ADGRL2: variants seen among roughly 807,000 people sequenced by gnomAD.
The protein encoded by ADGRL2 is calcium-independent alpha-latrotoxin receptor 2.
A neutral mutation model predicts 157.4 loss-of-function variants in ADGRL2; 44 were observed. That is an observed-to-expected ratio of 0.28 (90% confidence interval 0.22 to 0.36). ADGRL2 has a LOEUF of 0.36. Among genes scored for constraint, ADGRL2 ranks in the 10% least tolerant of loss-of-function variants. The pLI, the probability that ADGRL2 is intolerant of heterozygous loss-of-function variation, is 1.00. For missense variants in ADGRL2, 1,510 were observed against 1,768.9 expected, an observed-to-expected ratio of 0.85 and a Z score of 2.63; for synonymous variants, 585 against 624.7, an observed-to-expected ratio of 0.94 and a Z score of 0.95.
At chr1:81,900,740 G>A (rs574775201) in intron 2 of ADGRL2, among the ~76,000 whole-genome samples, 3 of 152,156 alleles carry the variant, frequency 2.0e-5, no homozygotes, top group Non-Finnish European at 4.4e-5. Context: ...AAATAACTGA[G>A]TCTGACTTGT....
At chr1:81,941,605 T>A (rs1342014455) in intron 4 of ADGRL2, among the ~76,000 whole-genome samples, 1 of 151,828 alleles carries the variant, frequency 6.6e-6, no homozygotes, top group Non-Finnish European at 1.5e-5. Flanking sequence ...ATAATTGAGT[T>A]CACATAAGAT....
chr1:81,551,699 A>ATCTAGGTG (rs2080150262), intron 2 of ADGRL2, among the ~76,000 whole-genome samples: 1 of 152,156 alleles, frequency 6.6e-6, no homozygotes, highest in Admixed American at 6.5e-5. Flanking sequence ...GGAAATTAAG[A>ATCTAGGTG]TCTAGGTGTG....
intron 3 of ADGRL2, among the ~76,000 whole-genome samples, chr1:81,691,891 T>TATATATATATATATATATATATATAG: frequency 6.8e-6 from 1 of 148,020 alleles, no homozygotes; most frequent in African/African-American, 2.5e-5. Flanking sequence ...TATATATATA[T>TATATATATATATATATATATATATAG]ATATGTATGT....
intron 1 of ADGRL2, among the ~76,000 whole-genome samples, chr1:81,355,900 T>G (rs1048021079): frequency 4.6e-5 from 7 of 151,796 alleles, no homozygotes; most frequent in Non-Finnish European, 7.4e-5. Context: ...CACTGACAAC[T>G]GCCTAAGACC....
At chr1:81,530,357 T>A (rs187030454) in intron 2 of ADGRL2, among the ~76,000 whole-genome samples, 1 of 151,654 alleles carries the variant, frequency 6.6e-6, no homozygotes, top group Non-Finnish European at 1.5e-5. Flanking sequence ...ATTATTTGTA[T>A]TTTTTTTGAG....
chr1:81,829,796 T>C (rs151056497), intron 1 of ADGRL2, among the ~76,000 whole-genome samples: 38 of 152,214 alleles, frequency 2.5e-4, no homozygotes, highest in Admixed American at 5.2e-4. Flanking sequence ...ATTGGGAAAA[T>C]TGGAAAATGA....
intron 1 of ADGRL2, among the ~76,000 whole-genome samples, chr1:81,413,726 T>G (rs12046867): frequency 7.2e-5 from 11 of 152,188 alleles, no homozygotes; most frequent in Admixed American, 1.3e-4. Flanking sequence ...GTTTATTAGA[T>G]TTCCTTTTAC....
intron 2 of ADGRL2, among the ~76,000 whole-genome samples, chr1:81,478,165 T>C (rs945994061): frequency 1.1e-4 from 17 of 152,056 alleles, no homozygotes; most frequent in African/African-American, 4.1e-4. Context: ...GGGGAGTCGG[T>C]AAATAGGAGC....
intron 2 of ADGRL2, among the ~76,000 whole-genome samples, chr1:81,880,659 C>T (rs955847464): frequency 6.6e-6 from 1 of 151,818 alleles, no homozygotes; most frequent in African/African-American, 2.4e-5. Context: ...ATTTCTTCTC[C>T]CTCCCACCGC....
chr1:81,789,697 G>A (rs1270816798), intron 2 of ADGRL2, among the ~76,000 whole-genome samples: 4 of 71,400 alleles, frequency 5.6e-5, no homozygotes, highest in African/African-American at 2.6e-4. Flanking sequence ...GCGAGTCTCC[G>A]TCTCAAAAAA....
At chr1:81,898,305 C>G (rs952718044) in intron 2 of ADGRL2, among the ~76,000 whole-genome samples, 3 of 152,164 alleles carry the variant, frequency 2.0e-5, no homozygotes, top group Admixed American at 2.0e-4. Flanking sequence ...ATACAAATTA[C>G]AACATTTTCT....
intron 3 of ADGRL2, among the ~76,000 whole-genome samples, chr1:81,645,378 CAG>C (rs1452388908): frequency 8.9e-6 from 1 of 112,502 alleles, no homozygotes; most frequent in African/African-American, 3.6e-5. Flanking sequence ...GCCTGGGTGA[CAG>C]AGTGAGATCC....
intron 1 of ADGRL2, among the ~76,000 whole-genome samples, chr1:81,385,103 C>T (rs1022836694): frequency 3.9e-5 from 6 of 152,102 alleles, no homozygotes; most frequent in Non-Finnish European, 2.9e-5. Context: ...GTATTCCATT[C>T]CTTTGTTCTT....
chr1:81,699,183 G>A (rs909154131), upstream of ADGRL2, among the ~76,000 whole-genome samples: 5 of 152,060 alleles, frequency 3.3e-5, no homozygotes, highest in African/African-American at 1.2e-4. Context: ...CTTTAGAAAA[G>A]GTGAAAATAC....
chr1:81,967,325 G>A (rs898682673), intron 13 of ADGRL2, among the ~76,000 whole-genome samples: 9 of 150,504 alleles, frequency 6.0e-5, no homozygotes, highest in Non-Finnish European at 1.0e-4. Context: ...GCGGTGGCGC[G>A]ATCTCGGCTC....
intron 3 of ADGRL2, among the ~76,000 whole-genome samples, chr1:81,912,882 G>A (rs2094765463): frequency 6.6e-6 from 1 of 152,068 alleles, no homozygotes; most frequent in African/African-American, 2.4e-5. Context: ...AGACCAGCAG[G>A]AATTAGGTAG....
At chr1:81,841,759 T>G (rs1448661236) in intron 2 of ADGRL2, among the ~76,000 whole-genome samples, 2 of 152,202 alleles carry the variant, frequency 1.3e-5, no homozygotes, top group South Asian at 4.1e-4. Context: ...ACTGATGTCT[T>G]CAAGTGCCTG....
chr1:81,733,022 G>C (rs1385429887), intron 1 of ADGRL2, among the ~76,000 whole-genome samples: 2 of 152,126 alleles, frequency 1.3e-5, no homozygotes, highest in African/African-American at 2.4e-5. Context: ...AGATACTGTA[G>C]AATTGCATTT....
chr1:81,770,153 C>CTTTTTTT (rs150798264), intron 2 of ADGRL2, among the ~76,000 whole-genome samples: 1 of 59,582 alleles, frequency 1.7e-5, no homozygotes, highest in Non-Finnish European at 2.9e-5. Flanking sequence ...CTGCACCCAG[C>CTTTTTTT]TTTTTTTTTT....
Sources: gnomAD v4.1 joint callset for allele counts (sites outside exome capture counted in the v4.1 genomes callset) on GRCh38, gnomAD v4.1.1 for gene constraint, MANE v1.5 for transcripts, NCBI Gene and HGNC (gene_info 2026-07-23, HGNC 2026-07-21) for gene names.